ZFPM2: variants seen among roughly 807,000 people sequenced by gnomAD.
ZFPM2 encodes the protein zinc finger protein, FOG family member 2.
ZFPM2 carries 20 observed loss-of-function variants against 98.6 expected under a neutral mutation model. The observed-to-expected ratio is 0.20, with a 90% CI of 0.14 to 0.29. The LOEUF (loss-of-function observed/expected upper bound fraction) is 0.29, where lower values mean the gene tolerates loss of function less well. Among genes scored for constraint, ZFPM2 ranks in the 10% least tolerant of loss-of-function variants. The pLI is 1.00. For missense variants in ZFPM2, 1,310 were observed against 1,388.6 expected, an observed-to-expected ratio of 0.94 and a Z score of 0.90; for synonymous variants, 518 against 502.7, an observed-to-expected ratio of 1.03 and a Z score of -0.41.
intron 5 of ZFPM2, chr8:105,690,983 G>C (rs1388068481): frequency 6.6e-6 from 1 of 152,058 alleles, no homozygotes; most frequent in Admixed American, 6.6e-5. Context: ...CTCTTCCAAA[G>C]TCACAGAGTT....
chr8:105,672,471 A>G (rs1159981786), intron 5 of ZFPM2, among the ~76,000 whole-genome samples: 1 of 152,064 alleles, frequency 6.6e-6, no homozygotes, highest in African/African-American at 2.4e-5. Flanking sequence ...CCATTTAGTC[A>G]GCAGCTTTAC....
At chr8:105,749,184 A>G (rs1273998008) in intron 5 of ZFPM2, among the ~76,000 whole-genome samples, 3 of 152,110 alleles carry the variant, frequency 2.0e-5, no homozygotes, top group African/African-American at 7.2e-5. Flanking sequence ...GGATTTTAAA[A>G]GATTGTGTAA....
intron 5 of ZFPM2, among the ~76,000 whole-genome samples, chr8:105,747,995 TC>T (rs1812386717): frequency 6.6e-6 from 1 of 152,108 alleles, no homozygotes; most frequent in Admixed American, 6.6e-5. Context: ...GGCATTTGTA[TC>T]TTTTTGTAGG....
At chr8:105,393,152 A>G (rs1345553753) in intron 1 of ZFPM2, among the ~76,000 whole-genome samples, 3 of 152,184 alleles carry the variant, frequency 2.0e-5, no homozygotes, top group East Asian at 1.9e-4. Context: ...GACCAATCCA[A>G]TCAGTCTGAT....
intron 5 of ZFPM2, among the ~76,000 whole-genome samples, chr8:105,694,180 G>T (rs1251306361): frequency 2.0e-5 from 3 of 151,464 alleles, no homozygotes; most frequent in Non-Finnish European, 2.9e-5. Flanking sequence ...TAGAGACGGG[G>T]TTTCGCTGTG....
intron 1 of ZFPM2, among the ~76,000 whole-genome samples, chr8:105,364,109 A>G (rs906187907): frequency 7.2e-5 from 11 of 152,082 alleles, no homozygotes; most frequent in African/African-American, 2.7e-4. Flanking sequence ...CACTAAATGG[A>G]TATTTTTATA....
chr8:105,482,995 T>TTCCTTCC (rs1554609772), intron 3 of ZFPM2, among the ~76,000 whole-genome samples: 1 of 51,404 alleles, frequency 1.9e-5, no homozygotes, highest in Non-Finnish European at 3.4e-5. Context: ...CCCCCCATCC[T>TTCCTTCC]TTCCTTCCTT....
chr8:105,516,087 G>A (rs1383350889), intron 3 of ZFPM2, among the ~76,000 whole-genome samples: 1 of 151,562 alleles, frequency 6.6e-6, no homozygotes, highest in African/African-American at 2.4e-5. Flanking sequence ...AACCAAATCT[G>A]GCTAATTTTT....
rs1814095039 is a variant in ZFPM2 at position 105,803,209 on chromosome 8, A to G, written c.3127A>G (p.Ile1043Val). The change falls in exon 8 of 8, where the codon ATA becomes GTA. Residue 1043 changes from isoleucine (I) to valine (V), a missense_variant. By Grantham distance (29) the Ile-to-Val change is conservative. Coordinates refer to ENST00000407775, the MANE Select transcript of ZFPM2 (RefSeq NM_012082.4). ...PLLPKNRGMV[I>V]VNGGLKQDER... ...GTTGCCCAAAAATCGAGGAATGGTA[A>G]TAGTGAATGGTGGACTGAAACAAGA... 2 of 1,613,342 alleles carry G rather than the reference A, an allele frequency of 1.2e-6. No homozygotes were observed. The highest frequency in any genetic ancestry group is 1.7e-6 in the Non-Finnish European group (2 of 1,179,548).
rs544493580 is a variant in ZFPM2 at position 105,546,406 on chromosome 8, G to A, written c.302-14957G>A. 7.3e-5 allele frequency among the ~76,000 whole-genome samples: 11 copies of A among 151,596 alleles called. No individual in the cohort carries two copies. The South Asian group carries it at 1.2e-3, about 17-fold the overall frequency. ...AGCCTGATCAACATGGAGAAACACC[G>A]TAAAAATACAAAATTAGACGGGCGT... On this transcript the variant is annotated intron_variant, in intron 3 of 7. Coordinates refer to ENST00000407775, the MANE Select transcript of ZFPM2 (RefSeq NM_012082.4).
At chr8:105,567,984 T>G (rs1815274714) in intron 4 of ZFPM2, among the ~76,000 whole-genome samples, 1 of 152,054 alleles carries the variant, frequency 6.6e-6, no homozygotes, top group Non-Finnish European at 1.5e-5. Flanking sequence ...GGCTCAGGAC[T>G]ACCATACTTT....
chr8:105,347,143 C>G (rs1452686967), intron 1 of ZFPM2, among the ~76,000 whole-genome samples: 1 of 151,934 alleles, frequency 6.6e-6, no homozygotes, highest in Non-Finnish European at 1.5e-5. Context: ...ACCCCGCCCC[C>G]CAAAACCCTT....
chr8:105,480,881 G>C (rs1813101352), intron 3 of ZFPM2, among the ~76,000 whole-genome samples: 1 of 151,780 alleles, frequency 6.6e-6, no homozygotes, highest in Non-Finnish European at 1.5e-5. Flanking sequence ...CTCCCAAGTA[G>C]CTGGGACTAT....
intron 5 of ZFPM2, among the ~76,000 whole-genome samples, chr8:105,742,828 T>A (rs1586233343): frequency 6.6e-6 from 1 of 152,064 alleles, no homozygotes; most frequent in Non-Finnish European, 1.5e-5. Context: ...GAAGTTGCAG[T>A]GAGCCAAGAT....
chr8:105,801,608 T>A lies in ZFPM2; in HGVS notation c.1526T>A (p.Met509Lys). 3.1e-6 allele frequency: 5 copies of A among 1,613,872 alleles called. No homozygotes were observed. The highest frequency in any genetic ancestry group is 4.2e-6 in the Non-Finnish European group (5 of 1,179,858). Residue 509 changes from methionine to lysine, a missense_variant, in exon 8 of 8, where the codon ATG becomes AAG. Met to Lys is a moderately conservative substitution (Grantham distance 95). Transcript: ENST00000407775. The stretch of plus-strand genomic sequence containing the variant: ...TTTTCTTTCCCCCAAGATATCACCA[T>A]GGTCCCTCAAGCTTCAGAGATCTTA... ...SQFSFPQDIT[M>K]VPQASEILAK...
intron 3 of ZFPM2, among the ~76,000 whole-genome samples, chr8:105,450,808 G>A (rs1812470074): frequency 1.3e-5 from 2 of 151,976 alleles, no homozygotes; most frequent in African/African-American, 2.4e-5. Flanking sequence ...TGAAACAAGA[G>A]GGGGTAAAAA....
chr8:105,574,385 T>C (rs1462574164), intron 4 of ZFPM2, among the ~76,000 whole-genome samples: 2 of 152,218 alleles, frequency 1.3e-5, no homozygotes, highest in Non-Finnish European at 2.9e-5. Flanking sequence ...TTGGCTTCTT[T>C]GAGTTTTCTT....
chr8:105,552,178 G>T (rs908471733), intron 3 of ZFPM2, among the ~76,000 whole-genome samples: 3 of 152,032 alleles, frequency 2.0e-5, no homozygotes, highest in Non-Finnish European at 4.4e-5. Context: ...CTTCTTTGGA[G>T]TTTTTCCTCC....
chr8:105,647,720 T>C (rs1443138225), intron 5 of ZFPM2, among the ~76,000 whole-genome samples: 15 of 152,318 alleles, frequency 9.8e-5, no homozygotes, highest in African/African-American at 3.6e-4. Flanking sequence ...TCCTTTTTTA[T>C]GGCTGCATAG....
Sources: allele counts gnomAD v4.1 joint callset (sites outside exome capture counted in the v4.1 genomes callset), GRCh38; gene constraint gnomAD v4.1.1; transcripts MANE v1.5; gene names NCBI Gene and HGNC (gene_info 2026-07-23, HGNC 2026-07-21).